SLIT2: variants seen among roughly 807,000 people sequenced by gnomAD.
SLIT2 encodes the protein slit guidance ligand 2, also known as slit homolog 2 protein.
In SLIT2, 41 loss-of-function variants were observed where a neutral mutation model predicts 185.7. That is an observed-to-expected ratio of 0.22 (90% CI 0.17 to 0.29). The LOEUF (loss-of-function observed/expected upper bound fraction) is 0.29, where lower values mean the gene tolerates loss of function less well. SLIT2 is among the 10% of genes least tolerant of loss of function. The pLI is 1.00. For synonymous variants in SLIT2, 693 were observed against 680.2 expected, an observed-to-expected ratio of 1.02 and a Z score of -0.29; for missense variants, 1,571 against 1,909.0, an observed-to-expected ratio of 0.82 and a Z score of 3.30.
At chr4:20,262,383 C>G (rs1712566097) in intron 3 of SLIT2, among the ~76,000 whole-genome samples, 1 of 151,712 alleles carries the variant, frequency 6.6e-6, no homozygotes, top group South Asian at 2.1e-4. Flanking sequence ...TGGAACAGGT[C>G]TGAAAGAAAG....
rs775297496 is a variant in SLIT2, at chr4:20,567,596, G to A, written c.2929G>A (p.Gly977Arg). The change falls in exon 28 of 37, where the codon GGA becomes AGA. Residue 977 changes from glycine (G) to arginine (R), a missense_variant. Physicochemically the swap from Gly to Arg is moderately radical, Grantham distance 125. Around this residue, in one of 3 missense-constraint regions of SLIT2, gnomAD observed 1,202 missense variants for 1,416.4 expected, o/e 0.85. Transcript: ENST00000504154. ...KHGGTCHLKE[G>R]EEDGFWCICA... ...TGGAGGAACTTGCCACTTAAAGGAA[G>A]GAGAAGAAGATGGATTCTGGTAGGT... is the stretch of plus-strand genomic sequence containing the variant. 1 of 1,612,910 alleles carries A rather than the reference G, an allele frequency of 6.2e-7. No homozygotes were observed. Among genetic ancestry groups the A allele is most frequent in the Non-Finnish European group, 8.5e-7 (1 of 1,179,106 alleles).
intron 4 of SLIT2, among the ~76,000 whole-genome samples, chr4:20,295,462 T>C (rs1028089282): frequency 6.6e-6 from 1 of 152,174 alleles, no homozygotes; most frequent in Non-Finnish European, 1.5e-5. Flanking sequence ...GTCATGACTT[T>C]TGGGGGAAAT....
At chr4:20,416,494 GAC>G (rs766261580) in intron 4 of SLIT2, among the ~76,000 whole-genome samples, 7 of 151,874 alleles carry the variant, frequency 4.6e-5, no homozygotes, top group Non-Finnish European at 1.0e-4. Flanking sequence ...ATTTTGGGGA[GAC>G]ACAATTTAAT....
At chr4:20,277,311 A>T (rs1714263478) in intron 4 of SLIT2, among the ~76,000 whole-genome samples, 1 of 152,168 alleles carries the variant, frequency 6.6e-6, no homozygotes, top group South Asian at 2.1e-4. Flanking sequence ...AAAGACACAA[A>T]AGACATTATA....
intron 29 of SLIT2, among the ~76,000 whole-genome samples, chr4:20,570,717 ATATATATATATATG>A (rs1725506548): frequency 3.8e-5 from 2 of 52,338 alleles, no homozygotes; most frequent in African/African-American, 7.4e-5. Context: ...CCAGGAATAT[ATATATATATATATG>A]TATATATATA....
intron 5 of SLIT2, among the ~76,000 whole-genome samples, chr4:20,471,851 C>G (rs189377463): frequency 3.9e-5 from 6 of 152,244 alleles, no homozygotes; most frequent in Admixed American, 2.6e-4. Context: ...TTATCTTGCT[C>G]TTAAACATCT....
At chr4:20,472,315 G>GATATATATCTATATATCTATAT (rs1715249939) in intron 5 of SLIT2, among the ~76,000 whole-genome samples, 1 of 12,818 alleles carries the variant, frequency 7.8e-5, no homozygotes, top group Non-Finnish European at 1.4e-4. Context: ...TCTATATATA[G>GATATATATCTATATATCTATAT]ATATATATAT....
chr4:20,613,701 T>G (rs1357139401), intron 34 of SLIT2, among the ~76,000 whole-genome samples: 2 of 151,746 alleles, frequency 1.3e-5, no homozygotes, highest in African/African-American at 4.8e-5. Flanking sequence ...AGATAAAAGT[T>G]AAAAAACAAA....
At chr4:20,263,339 C>T (rs1009885731) in intron 3 of SLIT2, among the ~76,000 whole-genome samples, 3 of 151,672 alleles carry the variant, frequency 2.0e-5, no homozygotes, top group Non-Finnish European at 2.9e-5. Flanking sequence ...TATTGCTTTA[C>T]GATAATATTT....
At chr4:20,432,001 C>CTGTG (rs56154477) in intron 4 of SLIT2, among the ~76,000 whole-genome samples, 2,665 of 150,810 alleles carry the variant, frequency 0.018, 72 homozygotes, top group African/African-American at 0.058. Flanking sequence ...CTCTCACTCT[C>CTGTG]TGTGTGTGTG....
intron 4 of SLIT2, among the ~76,000 whole-genome samples, chr4:20,328,384 T>C (rs903181783): frequency 2.0e-5 from 3 of 152,030 alleles, no homozygotes; most frequent in Non-Finnish European, 4.4e-5. Context: ...GGAATCTATT[T>C]TGATATTTTA....
chr4:20,491,768 G>A lies in SLIT2; in HGVS notation c.783G>A (p.Gln261=), dbSNP rs960839501. Residue 261 remains glutamine, a synonymous_variant, in exon 9 of 37, where the codon CAG becomes CAA. Transcript: ENST00000504154. ...TGTTTATTTCTTTTTTAGGTCACCA[G>A]TCATTTATGGCTCCTTCTTGTAGTG... The part of the protein sequence containing the change: ...QKREFVCSGH[Q]SFMAPSCSVL... The A allele has an allele frequency of 1.9e-6, 3 of 1,610,374 alleles. No individual in the cohort carries two copies. In the African/African-American group the frequency reaches 4.0e-5, roughly 22 times the overall value.
intron 19 of SLIT2, among the ~76,000 whole-genome samples, chr4:20,541,188 T>C (rs1035899839): frequency 6.6e-6 from 1 of 152,208 alleles, no homozygotes; most frequent in Admixed American, 6.5e-5. Context: ...AATTCTACCT[T>C]ACCTTATTTT....
chr4:20,608,345 T>C (rs1728947301), intron 33 of SLIT2, among the ~76,000 whole-genome samples: 1 of 152,188 alleles, frequency 6.6e-6, no homozygotes, highest in Non-Finnish European at 1.5e-5. Flanking sequence ...GTCTATATGC[T>C]TAACCATTAG....
chr4:20,564,180 G>A (rs552534462), intron 26 of SLIT2, among the ~76,000 whole-genome samples: 1 of 151,864 alleles, frequency 6.6e-6, no homozygotes, highest in Admixed American at 6.6e-5. Flanking sequence ...GAAGATTTCA[G>A]GAGAGGTGCT....
chr4:20,401,911 C>A (rs957498624), intron 4 of SLIT2, among the ~76,000 whole-genome samples: 1 of 151,806 alleles, frequency 6.6e-6, no homozygotes, highest in East Asian at 1.9e-4. Flanking sequence ...CGTTTTATGG[C>A]AGTTTAGAGA....
intron 26 of SLIT2, among the ~76,000 whole-genome samples, chr4:20,560,588 G>C (rs970322315): frequency 6.6e-6 from 1 of 151,942 alleles, no homozygotes; most frequent in African/African-American, 2.4e-5. Flanking sequence ...GTCCTCTCCA[G>C]ATAGTCATTG....
intron 4 of SLIT2, among the ~76,000 whole-genome samples, chr4:20,391,997 T>C (rs886105910): frequency 2.6e-5 from 4 of 152,078 alleles, no homozygotes; most frequent in African/African-American, 7.2e-5. Context: ...ATACCTATGC[T>C]CTTCAGGAGA....
intron 5 of SLIT2, among the ~76,000 whole-genome samples, chr4:20,478,004 G>A (rs914368301): frequency 6.6e-6 from 1 of 152,176 alleles, no homozygotes. Context: ...CAAAAAGAGT[G>A]CAGCTAAGTA....
Sources: allele counts gnomAD v4.1 joint callset (sites outside exome capture counted in the v4.1 genomes callset), GRCh38; gene constraint gnomAD v4.1.1; regional missense constraint gnomAD v4.1.1; transcripts MANE v1.5; gene names NCBI Gene and HGNC (gene_info 2026-07-23, HGNC 2026-07-21).